The following C12orf42 variants were observed in gnomAD, a reference collection of about 807,000 sequenced individuals.
C12orf42 encodes the protein chromosome 12 open reading frame 42, also known as uncharacterized protein C12orf42.
C12orf42 carries 25 observed loss-of-function variants against 21.6 expected under a neutral mutation model. The observed-to-expected ratio is 1.16, with a 90% CI of 0.84 to 1.62. The LOEUF is 1.62. Ranked by LOEUF, C12orf42 falls within the 40% of genes most tolerant of loss-of-function variation. The pLI is 0.00. For synonymous variants in C12orf42, 174 were observed against 175.0 expected (o/e 0.99, Z 0.05); for missense variants, 483 against 459.3 (o/e 1.05, Z -0.47).
chr12:103,071,922 G>A, the C12orf42 span, among the ~76,000 whole-genome samples: 47 of 152,140 alleles, frequency 3.1e-4, no homozygotes, highest in Non-Finnish European at 5.4e-4. Context: ...ATGAAAAAAT[G>A]TGTCATGATC....
chr12:103,294,542 C>CAAGA (rs768785822), intron 4 of C12orf42, among the ~76,000 whole-genome samples: 1,728 of 75,724 alleles, frequency 0.023, 25 homozygotes, highest in Middle Eastern at 0.051. Context: ...AGCAAGCAAG[C>CAAGA]AAGAAAGAAA....
At chr12:103,536,719 C>A in the C12orf42 span, among the ~76,000 whole-genome samples, 1 of 152,104 alleles carries the variant, frequency 6.6e-6, no homozygotes, top group African/African-American at 2.4e-5. Flanking sequence ...CTCATTATGT[C>A]CTTTCTCCTT....
intron 4 of C12orf42, among the ~76,000 whole-genome samples, chr12:103,345,995 T>C (rs1042747592): frequency 1.3e-5 from 2 of 152,212 alleles, no homozygotes; most frequent in Non-Finnish European, 1.5e-5. Context: ...GTTATGGAAA[T>C]TGGAGAACTT....
the C12orf42 span, among the ~76,000 whole-genome samples, chr12:103,224,066 G>A: frequency 6.6e-6 from 1 of 152,156 alleles, no homozygotes; most frequent in Admixed American, 6.5e-5. Context: ...ATGTCTGACA[G>A]AACGGAAGAA....
intron 2 of C12orf42, among the ~76,000 whole-genome samples, chr12:103,472,847 G>A (rs934289826): frequency 1.3e-5 from 2 of 152,192 alleles, no homozygotes; most frequent in African/African-American, 4.8e-5. Context: ...TGGGGAAGAC[G>A]GAGTCAAAGA....
chr12:103,379,329 C>T (rs541726752), intron 3 of C12orf42, among the ~76,000 whole-genome samples: 1 of 152,262 alleles, frequency 6.6e-6, no homozygotes, highest in African/African-American at 2.4e-5. Context: ...CCAGCCCACA[C>T]ATTATTCTAT....
At chr12:103,145,895 C>T in the C12orf42 span, among the ~76,000 whole-genome samples, 2 of 151,438 alleles carry the variant, frequency 1.3e-5, no homozygotes, top group African/African-American at 4.9e-5. Context: ...AGTATGGTGA[C>T]CTTTTGATTT....
chr12:103,096,947 G>T, the C12orf42 span, among the ~76,000 whole-genome samples: 1 of 152,174 alleles, frequency 6.6e-6, no homozygotes, highest in African/African-American at 2.4e-5. Flanking sequence ...TTTATAAAGA[G>T]ATTTTTGAAT....
At chr12:103,181,324 G>A in the C12orf42 span, among the ~76,000 whole-genome samples, 37 of 152,002 alleles carry the variant, frequency 2.4e-4, no homozygotes, top group African/African-American at 8.9e-4. Flanking sequence ...AAGGATCTGA[G>A]ATTGAATTAG....
At chr12:103,526,498 C>T in the C12orf42 span, among the ~76,000 whole-genome samples, 1,214 of 152,256 alleles carry the variant, frequency 8.0e-3, 12 homozygotes, top group Middle Eastern at 0.017. Context: ...CCCAGGAGAA[C>T]ACTAGGAGGT....
At chr12:103,376,378 G>C (rs1427377475) in intron 3 of C12orf42, among the ~76,000 whole-genome samples, 1 of 151,992 alleles carries the variant, frequency 6.6e-6, no homozygotes, top group Non-Finnish European at 1.5e-5. Flanking sequence ...GACGCAGGGA[G>C]GGGAACATCA....
the C12orf42 span, among the ~76,000 whole-genome samples, chr12:103,124,699 A>G: frequency 6.6e-6 from 1 of 152,156 alleles, no homozygotes; most frequent in African/African-American, 2.4e-5. Context: ...GTCTCTGGAC[A>G]TTGGCAGCTC....
chr12:103,348,605 G>A (rs1438349764), intron 4 of C12orf42, among the ~76,000 whole-genome samples: 1 of 152,060 alleles, frequency 6.6e-6, no homozygotes, highest in Non-Finnish European at 1.5e-5. Flanking sequence ...GCAAAATAGA[G>A]AAGGTTGTCT....
downstream of C12orf42, among the ~76,000 whole-genome samples, chr12:103,299,959 A>G (rs2037540836): frequency 6.6e-6 from 1 of 152,236 alleles, no homozygotes; most frequent in South Asian, 2.1e-4. Context: ...GGACAAATAA[A>G]CAGAGACAGC....
chr12:103,497,579 C>T (rs769972597), upstream of C12orf42, among the ~76,000 whole-genome samples: 3 of 152,230 alleles, frequency 2.0e-5, no homozygotes. Context: ...CCTTTGTCTA[C>T]TCTGTTACCA....
intron 2 of C12orf42, among the ~76,000 whole-genome samples, chr12:103,454,325 T>C (rs1262413261): frequency 1.3e-5 from 2 of 152,100 alleles, no homozygotes; most frequent in African/African-American, 4.8e-5. Flanking sequence ...AAACCTCATT[T>C]CAGAATTAGA....
the C12orf42 span, among the ~76,000 whole-genome samples, chr12:103,543,375 G>A: frequency 2.0e-5 from 3 of 152,130 alleles, no homozygotes; most frequent in Non-Finnish European, 4.4e-5. Flanking sequence ...CTGGGAAGAC[G>A]AGGCAGGAGG....
chr12:103,199,741 G>T, the C12orf42 span, among the ~76,000 whole-genome samples: 44 of 152,110 alleles, frequency 2.9e-4, no homozygotes, highest in African/African-American at 1.1e-3. Context: ...AATAATCAGA[G>T]AAATATAAAT....
chr12:103,131,560 C>T, the C12orf42 span, among the ~76,000 whole-genome samples: 1 of 152,182 alleles, frequency 6.6e-6, no homozygotes, highest in African/African-American at 2.4e-5. Context: ...TCTCTTCGAA[C>T]TTCCAAGATT....
Sources: allele counts gnomAD v4.1 joint callset (sites outside exome capture counted in the v4.1 genomes callset), GRCh38; gene constraint gnomAD v4.1.1; transcripts MANE v1.5; gene names NCBI Gene and HGNC (gene_info 2026-07-23, HGNC 2026-07-21).